VKORC1L1: variants seen among roughly 807,000 people sequenced by gnomAD.
The protein encoded by VKORC1L1 is vitamin K epoxide reductase complex subunit 1L1, also known as vitamin K epoxide reductase complex subunit 1-like protein 1.
A neutral mutation model predicts 18.9 loss-of-function variants in VKORC1L1; 2 were observed. The observed-to-expected ratio is 0.11, with a 90% CI of 0.04 to 0.33. The LOEUF is 0.33. Among genes scored for constraint, VKORC1L1 ranks in the 10% least tolerant of loss-of-function variants. The probability of loss-of-function intolerance (pLI) is 1.00; values close to 1 mark genes in which losing one functional copy is unlikely to be tolerated. For missense variants in VKORC1L1, 123 were observed against 224.1 expected, an observed-to-expected ratio of 0.55 and a Z score of 2.88; for synonymous variants, 96 against 100.0, an observed-to-expected ratio of 0.96 and a Z score of 0.24.
chr7:65,941,673 GTTTTTTT>G (rs57537567), intron 1 of VKORC1L1, among the ~76,000 whole-genome samples: 1 of 66,476 alleles, frequency 1.5e-5, no homozygotes, highest in African/African-American at 5.7e-5. Flanking sequence ...TTTTCTTAAG[GTTTTTTT>G]TTTTTTTTTT....
In VKORC1L1 at chr7:65,923,797, A is replaced by G. The variant is rs199917727; in HGVS notation, c.195-24874A>G. On this transcript the variant is annotated intron_variant, in intron 1 of 2. Coordinates refer to ENST00000360768, the MANE Select transcript of VKORC1L1 (RefSeq NM_173517.6). The stretch of plus-strand genomic sequence containing the variant: ...TCTAAAGTTAATAGCTTATTGATCA[A>G]TGAGCAGGGATTTCAGAGGACAGAG... Among the ~76,000 whole-genome samples, 54 of 152,324 alleles carry G rather than the reference A, an allele frequency of 3.5e-4. No individual in the cohort carries two copies. In the East Asian group the frequency reaches 7.1e-3, roughly 20 times the overall value.
Position 65,911,096 on chromosome 7 carries a change from A to G in VKORC1L1, c.194+37531A>G, listed in dbSNP as rs73370629. ...GAGGGCTCAGCCCCACTCCTGAGTG[A>G]AAGTGGTGTGGCATCTTTTGGTCTT... On this transcript the variant is annotated intron_variant, in intron 1 of 2. Transcript: ENST00000360768. 8.6e-3 allele frequency among the ~76,000 whole-genome samples: 1,306 copies of G among 152,288 alleles called. 21 individuals are homozygous for G. Among genetic ancestry groups the G allele is most frequent in the African/African-American group, 0.03 (1,238 of 41,556 alleles).
intron 1 of VKORC1L1, among the ~76,000 whole-genome samples, chr7:65,908,298 C>T (rs1443771545): frequency 6.6e-6 from 1 of 152,124 alleles, no homozygotes; most frequent in Non-Finnish European, 1.5e-5. Flanking sequence ...CCTGTAATCC[C>T]AGCTACTTGG....
At chr7:65,897,329 T>A (rs1229919430) in intron 1 of VKORC1L1, among the ~76,000 whole-genome samples, 1 of 152,220 alleles carries the variant, frequency 6.6e-6, no homozygotes. Context: ...ATTAAGAAGT[T>A]TGATTAGCTA....
rs115298912 is a variant in VKORC1L1 at position 65,950,646 on chromosome 7, T to A, written c.304+1866T>A. Among the ~76,000 whole-genome samples, 294 of 151,382 alleles carry A rather than the reference T, an allele frequency of 1.9e-3. 1 individual carries two copies. Among genetic ancestry groups the A allele is most frequent in the African/African-American group, 6.8e-3 (283 of 41,318 alleles). ...TAAAATAGCAAAAAAAAAATGGAGG[T>A]AGGTTACAAATAGATAATGGTTGAA... On this transcript the variant is annotated intron_variant, in intron 2 of 2. Coordinates refer to ENST00000360768, the MANE Select transcript of VKORC1L1 (RefSeq NM_173517.6).
chr7:65,950,546 C>A (rs1361362024), intron 2 of VKORC1L1, among the ~76,000 whole-genome samples: 1 of 151,876 alleles, frequency 6.6e-6, no homozygotes, highest in African/African-American at 2.4e-5. Flanking sequence ...TCGAGTTTGC[C>A]CAGTTCCATA....
chr7:65,875,424 CT>C (rs1003873869), intron 1 of VKORC1L1, among the ~76,000 whole-genome samples: 1 of 151,092 alleles, frequency 6.6e-6, no homozygotes, highest in Admixed American at 6.6e-5. Flanking sequence ...AGACACTTTT[CT>C]TTTTTTTTCT....
At position 65,873,113 on chromosome 7, in the gene VKORC1L1, A is replaced by G. The variant is rs1488631120; in HGVS notation, c.-259A>G. Reference sequence around the variant, plus strand: ...GATCCGGCCTCTTCGGCCGTTGCGCACTCCACCCCCTCCCTCCGCGCCCGC... The same window carrying G: ...GATCCGGCCTCTTCGGCCGTTGCGCGCTCCACCCCCTCCCTCCGCGCCCGC... On this transcript the variant is annotated 5_prime_UTR_variant, in exon 1 of 3. Coordinates refer to ENST00000360768, the MANE Select transcript of VKORC1L1 (RefSeq NM_173517.6). Among the ~76,000 whole-genome samples, 1 of 144,886 alleles carries G rather than the reference A, an allele frequency of 6.9e-6. No homozygotes were observed. The highest frequency in any genetic ancestry group is 1.5e-5 in the Non-Finnish European group (1 of 65,562).
At chr7:65,915,939 C>T (rs970346391) in intron 1 of VKORC1L1, among the ~76,000 whole-genome samples, 3 of 151,560 alleles carry the variant, frequency 2.0e-5, no homozygotes, top group Admixed American at 6.6e-5. Flanking sequence ...GGTGAAACCC[C>T]GTCTCTACTA....
rs150057431 is a variant in VKORC1L1, at chr7:65,951,773, T to C, written c.305-2301T>C. ...TTTTTAAAATATAAAAGGCAGATGC[T>C]ATACCCACTGTTCTGCAGCTTGCAT... is the stretch of plus-strand genomic sequence containing the variant. On this transcript the variant is annotated intron_variant, in intron 2 of 2. Coordinates refer to ENST00000360768, the MANE Select transcript of VKORC1L1 (RefSeq NM_173517.6). 9.5e-4 allele frequency among the ~76,000 whole-genome samples: 145 copies of C among 152,324 alleles called. 3 individuals carry two copies. In the Middle Eastern group the frequency reaches 0.01, roughly 11 times the overall value.
rs78517252 is a variant in VKORC1L1, at chr7:65,953,985, C to T, written c.305-89C>T. On this transcript the variant is annotated intron_variant, in intron 2 of 2. Transcript: ENST00000360768. Reference sequence around the variant, plus strand: ...CAGGAAGATCAGTATTCAAACACTGCAGCAAGTCACACAGTGTTATTCCTT... The same window carrying T: ...CAGGAAGATCAGTATTCAAACACTGTAGCAAGTCACACAGTGTTATTCCTT... 1,901 of 1,171,356 alleles carry T rather than the reference C, an allele frequency of 1.6e-3. 28 individuals carry two copies. The African/African-American group carries it at 0.027, about 16-fold the overall frequency. 72.6% of individuals were successfully genotyped at this position (1,171,356 alleles called of 1,614,324 possible). A position where few individuals can be genotyped will look rare whatever the true frequency, so the allele number is the denominator to read the frequency against.
chr7:65,912,575 GCTGA>G (rs1789518694), intron 1 of VKORC1L1, among the ~76,000 whole-genome samples: 1 of 152,174 alleles, frequency 6.6e-6, no homozygotes, highest in Non-Finnish European at 1.5e-5. Context: ...TTCCTCAACA[GCTGA>G]CTGAGGGCTC....
chr7:65,876,179 C>G (rs371470648), intron 1 of VKORC1L1, among the ~76,000 whole-genome samples: 2 of 152,166 alleles, frequency 1.3e-5, no homozygotes, highest in African/African-American at 2.4e-5. Flanking sequence ...ACCACTATCT[C>G]CTGTCACCAT....
chr7:65,884,636 A>G (rs1788983099), intron 1 of VKORC1L1, among the ~76,000 whole-genome samples: 1 of 152,148 alleles, frequency 6.6e-6, no homozygotes, highest in African/African-American at 2.4e-5. Context: ...GACTGTCTCA[A>G]AAAAAAGAAA....
At chr7:65,910,648 A>C (rs1451155790) in intron 1 of VKORC1L1, among the ~76,000 whole-genome samples, 2 of 152,166 alleles carry the variant, frequency 1.3e-5, no homozygotes, top group Non-Finnish European at 2.9e-5. Flanking sequence ...TGCGCTTGTC[A>C]AGGTACAATG....
intron 1 of VKORC1L1, among the ~76,000 whole-genome samples, chr7:65,905,823 A>G (rs572751515): frequency 2.4e-3 from 362 of 152,256 alleles, no homozygotes; most frequent in Non-Finnish European, 4.5e-3. Context: ...ATCGCCACCC[A>G]GATTTTTCAA....
intron 1 of VKORC1L1, among the ~76,000 whole-genome samples, chr7:65,940,976 A>G (rs1167440603): frequency 6.6e-6 from 1 of 152,232 alleles, no homozygotes. Flanking sequence ...ATTAAACTAT[A>G]TAGTGTCTAG....
chr7:65,948,343 A>G (rs541006798), intron 1 of VKORC1L1, among the ~76,000 whole-genome samples: 24 of 148,424 alleles, frequency 1.6e-4, no homozygotes, highest in African/African-American at 5.2e-4. Context: ...CTGCATAGAG[A>G]AGTCTCCTTC....
intron 1 of VKORC1L1, among the ~76,000 whole-genome samples, chr7:65,944,300 C>T (rs1790083389): frequency 6.6e-6 from 1 of 152,020 alleles, no homozygotes; most frequent in Non-Finnish European, 1.5e-5. Context: ...ACCCGGGAGG[C>T]AGAGGTTGCA....
Sources: gnomAD v4.1 joint callset for allele counts (sites outside exome capture counted in the v4.1 genomes callset) on GRCh38, gnomAD v4.1.1 for gene constraint, MANE v1.5 for transcripts, NCBI Gene and HGNC (gene_info 2026-07-23, HGNC 2026-07-21) for gene names.